Variants in COL4A4 observed in about 807,000 individuals in gnomAD.
COL4A4 encodes the protein collagen type IV alpha 4 chain.
Under a neutral mutation model 192.9 loss-of-function variants are expected in COL4A4, and 105 were observed. The observed-to-expected ratio is 0.54, with a 90% CI of 0.46 to 0.64. The LOEUF is 0.64. Ranked by LOEUF, COL4A4 falls within the 30% of genes least tolerant of loss-of-function variation. The probability of loss-of-function intolerance (pLI) is 0.00; values close to 1 mark genes in which losing one functional copy is unlikely to be tolerated. For missense variants in COL4A4, 1,967 were observed against 2,169.3 expected, an observed-to-expected ratio of 0.91 and a Z score of 1.85; for synonymous variants, 762 against 769.9, an observed-to-expected ratio of 0.99 and a Z score of 0.17.
At chr2:227,059,644 A>C (rs761821729) in intron 27 of COL4A4, 21 bp from the exon 28 acceptor site, 4 of 1,563,622 alleles carry the variant, frequency 2.6e-6, no homozygotes, top group Non-Finnish European at 8.8e-7. Flanking sequence ...ACAAAAAAAA[A>C]TTTTTAATGA....
intron 36 of COL4A4, among the ~76,000 whole-genome samples, chr2:227,042,847 G>A (rs1344938078): frequency 6.6e-6 from 1 of 152,202 alleles, no homozygotes; most frequent in East Asian, 1.9e-4. Context: ...TGTGTCTGGT[G>A]CCATGCTAGG....
At chr2:227,017,759 C>T (rs1965213142) in intron 44 of COL4A4, among the ~76,000 whole-genome samples, 1 of 152,156 alleles carries the variant, frequency 6.6e-6, no homozygotes, top group African/African-American at 2.4e-5. Flanking sequence ...CACATGGTTA[C>T]AAAATCAGCT....
intron 4 of COL4A4, among the ~76,000 whole-genome samples, chr2:227,129,935 C>G (rs946217838): frequency 8.6e-5 from 13 of 151,988 alleles, no homozygotes; most frequent in African/African-American, 3.1e-4. Flanking sequence ...CCTTTCTTTT[C>G]TAATGCTTCC....
intron 21 of COL4A4, among the ~76,000 whole-genome samples, chr2:227,089,409 G>A (rs1183889902): frequency 3.3e-5 from 5 of 151,708 alleles, no homozygotes; most frequent in East Asian, 3.9e-4. Context: ...TGCCCAAAAC[G>A]GCTCCAAACA....
rs377292825 is a variant in COL4A4 at position 227,094,269 on chromosome 2, G to A, written c.1225C>T (p.Pro409Ser). 2.1e-5 allele frequency: 34 copies of A among 1,613,676 alleles called. No individual in the cohort carries two copies. Among genetic ancestry groups the A allele is most frequent in the South Asian group, 5.5e-5 (5 of 91,078 alleles). ...ACAGMIGPPG[P>S]QGFPGLPGLP... Reference sequence around the variant, plus strand: ...CCAGGAAGACCAGGAAATCCTTGTGGCCCAGGGGGTCCTATCATGCCTGCA... The same window carrying A: ...CCAGGAAGACCAGGAAATCCTTGTGACCCAGGGGGTCCTATCATGCCTGCA... The change falls in exon 20 of 48, where the codon CCA becomes TCA. Residue 409 changes from proline to serine, a missense_variant. Transcript: ENST00000396625.
intron 37 of COL4A4, among the ~76,000 whole-genome samples, chr2:227,037,764 T>C (rs1343353553): frequency 7.2e-6 from 1 of 138,580 alleles, no homozygotes; most frequent in Non-Finnish European, 1.6e-5. Context: ...TCCTGACTTT[T>C]TAATGATCTC....
chr2:227,020,186 C>G (rs1277938241), intron 44 of COL4A4, among the ~76,000 whole-genome samples: 1 of 152,142 alleles, frequency 6.6e-6, no homozygotes, highest in Non-Finnish European at 1.5e-5. Flanking sequence ...AGTTATAGGT[C>G]ACGTCTTCAA....
chr2:227,096,641 T>C (rs1423619195), intron 19 of COL4A4, among the ~76,000 whole-genome samples: 2 of 152,320 alleles, frequency 1.3e-5, no homozygotes, highest in Non-Finnish European at 1.5e-5. Flanking sequence ...GCTGTATACA[T>C]ATTATTTCTT....
the COL4A4 span, among the ~76,000 whole-genome samples, chr2:226,971,511 A>G: frequency 6.3e-3 from 964 of 152,348 alleles, 17 homozygotes; most frequent in African/African-American, 0.022. Context: ...ATGAGAAAGA[A>G]TAGACTACCA....
chr2:227,049,155 C>A lies in COL4A4; in HGVS notation c.3214+913G>T, dbSNP rs573617148. On this transcript the variant is annotated intron_variant, in intron 34 of 47. Coordinates refer to ENST00000396625, the MANE Select transcript of COL4A4 (RefSeq NM_000092.5). ...AAGTAGATTTAAAGAAAAATATTAACCCAATGGTATACCAAGATAGTAAAA... is the reference window on the plus strand; with the variant it reads ...AAGTAGATTTAAAGAAAAATATTAAACCAATGGTATACCAAGATAGTAAAA... Among the ~76,000 whole-genome samples, 37 of 152,218 alleles carry A rather than the reference C, an allele frequency of 2.4e-4. 1 individual carries two copies. Among genetic ancestry groups the A allele is most frequent in the South Asian group, 2.1e-3 (10 of 4,822 alleles).
At position 227,047,466 on chromosome 2, in the gene COL4A4, C is replaced by T. The variant is rs1973126830; in HGVS notation, c.3289+9G>A. On this transcript the variant is annotated intron_variant, in intron 35 of 47. Coordinates refer to ENST00000396625, the MANE Select transcript of COL4A4 (RefSeq NM_000092.5). ...TTTTTGTTTTAGTAAGAAAAATATG[C>T]AGCTATACCTGGACATCCAGGGCTA... The T allele has an allele frequency of 1.9e-6, 3 of 1,607,884 alleles. No individual in the cohort carries two copies. In the South Asian group the frequency reaches 3.3e-5, roughly 18 times the overall value.
rs781655988 is a variant in COL4A4, at chr2:227,140,256, T to G, written c.115-18A>C. 1.1e-5 allele frequency: 17 copies of G among 1,603,046 alleles called. No individual in the cohort carries two copies. The South Asian group carries it at 1.8e-4, about 17-fold the overall frequency. ...TTTCCACTCTGGAAAGTGAAGCATC[T>G]TATTTAGTATACCAGTACTCATCGT... On this transcript the variant is annotated intron_variant, in intron 3 of 47. Coordinates refer to ENST00000396625, the MANE Select transcript of COL4A4 (RefSeq NM_000092.5).
chr2:227,017,795 A>AT lies in COL4A4; in HGVS notation c.4216+4252dup, dbSNP rs898935597. On this transcript the variant is annotated intron_variant, in intron 44 of 47. Coordinates refer to ENST00000396625, the MANE Select transcript of COL4A4 (RefSeq NM_000092.5). ...TAGCAATGAAAGAAAAGATTTTTTA[A>AT]TTTTTTTTTTACCTTTTATTTTAGG... is the stretch of plus-strand genomic sequence containing the variant. Among the ~76,000 whole-genome samples the AT allele has an allele frequency of 7.0e-4, 106 of 150,754 alleles. 1 individual carries two copies. Among genetic ancestry groups the AT allele is most frequent in the Non-Finnish European group, 8.1e-4 (55 of 67,594 alleles).
the COL4A4 span, chr2:226,988,224 A>G: frequency 6.0e-6 from 6 of 1,006,706 alleles, no homozygotes; most frequent in Non-Finnish European, 8.5e-6. Flanking sequence ...TCTCAAGATC[A>G]AGAAGCAAGA....
chr2:227,057,578 G>T lies in COL4A4; in HGVS notation c.2406C>A (p.Phe802Leu). The T allele has an allele frequency of 6.2e-7, 1 of 1,614,164 alleles. No homozygotes were observed. Among genetic ancestry groups the T allele is most frequent in the South Asian group, 1.1e-5 (1 of 91,062 alleles). The part of the protein sequence containing the change: ...GAEGPAGIPG[F>L]LGLKGPKGRE... ...TGCCTTTGGGACCTTTGAGACCTAG[G>T]AATCCAGGAATGCCAGCTGGCCCTG... The change falls in exon 29 of 48, where the codon TTC becomes TTA. Residue 802 changes from phenylalanine to leucine, a missense_variant. Coordinates refer to ENST00000396625, the MANE Select transcript of COL4A4 (RefSeq NM_000092.5).
At chr2:227,034,507 A>G (rs1247915092) in intron 37 of COL4A4, among the ~76,000 whole-genome samples, 3 of 150,622 alleles carry the variant, frequency 2.0e-5, no homozygotes, top group African/African-American at 4.9e-5. Flanking sequence ...AAAACTTCCT[A>G]TCTCATCAGT....
chr2:227,078,732 A>ATTC (rs1277171063), intron 24 of COL4A4, among the ~76,000 whole-genome samples: 2 of 152,168 alleles, frequency 1.3e-5, no homozygotes, highest in East Asian at 3.9e-4. Flanking sequence ...AATCAAATAC[A>ATTC]TTCTTATGTA....
chr2:227,012,552 G>A (rs911705473), intron 44 of COL4A4, among the ~76,000 whole-genome samples: 1 of 150,056 alleles, frequency 6.7e-6, no homozygotes, highest in African/African-American at 2.5e-5. Flanking sequence ...AAAGGGCTAG[G>A]CCAGGATTTG....
chr2:227,030,680 A>C, intron 40 of COL4A4, 82 bp from the exon 41 acceptor site: 1 of 1,127,660 alleles, frequency 8.9e-7, no homozygotes, highest in East Asian at 2.4e-5. Flanking sequence ...TCCGAAGAAA[A>C]ACAATTCAAT....
Sources: gnomAD v4.1 joint callset for allele counts (sites outside exome capture counted in the v4.1 genomes callset) on GRCh38, gnomAD v4.1.1 for gene constraint, MANE v1.5 for transcripts, NCBI Gene and HGNC (gene_info 2026-07-23, HGNC 2026-07-21) for gene names.